Variants in MBNL1 observed in about 807,000 individuals in gnomAD.
The protein encoded by MBNL1 is muscleblind-like protein 1.
Under a neutral mutation model 42.2 loss-of-function variants are expected in MBNL1, and 8 were observed. That is an observed-to-expected ratio of 0.19 (90% CI 0.11 to 0.34). MBNL1 has a LOEUF of 0.34. MBNL1 is among the 10% of genes least tolerant of loss of function. MBNL1 has a pLI of 1.00. For missense variants in MBNL1, 309 were observed against 495.3 expected, an observed-to-expected ratio of 0.62 and a Z score of 3.57; for synonymous variants, 169 against 173.9, an observed-to-expected ratio of 0.97 and a Z score of 0.22.
intron 2 of MBNL1, among the ~76,000 whole-genome samples, chr3:152,388,345 A>C (rs565582282): frequency 3.5e-4 from 53 of 152,358 alleles, no homozygotes; most frequent in African/African-American, 1.2e-3. Flanking sequence ...TGGAACACAT[A>C]ACATTAAAAT....
At chr3:152,302,185 T>C (rs2060983293) in intron 2 of MBNL1, 1 of 152,218 alleles carries the variant, frequency 6.6e-6, no homozygotes, top group African/African-American at 2.4e-5. Flanking sequence ...TCAAGGACTT[T>C]AAATAATTTC....
At chr3:152,338,976 T>C (rs949563339) in intron 2 of MBNL1, among the ~76,000 whole-genome samples, 1 of 152,194 alleles carries the variant, frequency 6.6e-6, no homozygotes, top group Non-Finnish European at 1.5e-5. Context: ...GTAAGAGAAA[T>C]CTTGTTGAGA....
At chr3:152,390,214 G>A (rs2097648495) in intron 2 of MBNL1, among the ~76,000 whole-genome samples, 1 of 148,004 alleles carries the variant, frequency 6.8e-6, no homozygotes, top group African/African-American at 2.5e-5. Context: ...CAAACAGATT[G>A]TACATCTGTA....
At chr3:152,294,563 C>A (rs888012546) in intron 1 of MBNL1, among the ~76,000 whole-genome samples, 3 of 152,012 alleles carry the variant, frequency 2.0e-5, no homozygotes, top group African/African-American at 7.2e-5. Flanking sequence ...GGATTACAGG[C>A]GTGAGCCACC....
At chr3:152,410,341 A>T (rs2098538158) in intron 2 of MBNL1, among the ~76,000 whole-genome samples, 1 of 152,196 alleles carries the variant, frequency 6.6e-6, no homozygotes, top group African/African-American at 2.4e-5. Context: ...TACTCGATGA[A>T]TTTATTGAAT....
chr3:152,423,838 A>T (rs1014037818), intron 3 of MBNL1, among the ~76,000 whole-genome samples: 1 of 152,222 alleles, frequency 6.6e-6, no homozygotes, highest in African/African-American at 2.4e-5. Flanking sequence ...AAACCACATG[A>T]TTATCTCAAT....
In MBNL1 at chr3:152,435,649, G is replaced by A. The variant is rs529428128; in HGVS notation, c.549+2729G>A. 2.0e-5 allele frequency among the ~76,000 whole-genome samples: 3 copies of A among 152,154 alleles called. No individual in the cohort carries two copies. The East Asian group carries it at 5.8e-4, about 29-fold the overall frequency. ...CTTTGAGCAGTATGGCCATTTTAAT[G>A]TTACTGATTCTTCCTATCCATGAGC... On this transcript the variant is annotated intron_variant, in intron 4 of 9. Coordinates refer to ENST00000324210, the MANE Select transcript of MBNL1 (RefSeq NM_021038.5).
chr3:152,424,373 G>A, intron 3 of MBNL1, among the ~76,000 whole-genome samples: 1 of 152,122 alleles, frequency 6.6e-6, no homozygotes, highest in Non-Finnish European at 1.5e-5. Flanking sequence ...CGAGAGATAT[G>A]AAGGACCTCT....
At chr3:152,357,931 T>C (rs1377500319) in intron 2 of MBNL1, among the ~76,000 whole-genome samples, 1 of 152,044 alleles carries the variant, frequency 6.6e-6, no homozygotes, top group African/African-American at 2.4e-5. Flanking sequence ...GAAATAAATA[T>C]GGGGATTTCA....
chr3:152,255,487 T>G (rs376951392), intron 2 of MBNL1, among the ~76,000 whole-genome samples: 25 of 152,222 alleles, frequency 1.6e-4, no homozygotes, highest in African/African-American at 5.5e-4. Context: ...GAGAGGATTT[T>G]TAACTCTTGC....
chr3:152,433,185 C>T (rs1323065590), intron 4 of MBNL1, among the ~76,000 whole-genome samples: 1 of 152,176 alleles, frequency 6.6e-6, no homozygotes, highest in African/African-American at 2.4e-5. Flanking sequence ...CACTGTACCT[C>T]AATTTCCTCA....
At chr3:152,299,066 T>C (rs1361802623) in intron 1 of MBNL1, 1 of 152,600 alleles carries the variant, frequency 6.6e-6, no homozygotes, top group Non-Finnish European at 1.5e-5. Context: ...TTTCTGTGCT[T>C]ATAGCATAGT....
At chr3:152,366,873 TTAAC>T (rs1274235732) in intron 2 of MBNL1, among the ~76,000 whole-genome samples, 1 of 152,200 alleles carries the variant, frequency 6.6e-6, no homozygotes, top group East Asian at 1.9e-4. Flanking sequence ...TTTCCCTTAA[TTAAC>T]AGTGAAGGGA....
At chr3:152,331,793 C>T (rs542297483) in intron 2 of MBNL1, among the ~76,000 whole-genome samples, 9 of 152,108 alleles carry the variant, frequency 5.9e-5, no homozygotes, top group South Asian at 4.1e-4. Flanking sequence ...TGAGTTCAAG[C>T]GATTCTTCAG....
intron 3 of MBNL1, among the ~76,000 whole-genome samples, chr3:152,425,099 A>G (rs906284501): frequency 1.3e-5 from 2 of 152,200 alleles, no homozygotes; most frequent in Admixed American, 1.3e-4. Flanking sequence ...CAGCAAAAGA[A>G]ACTATCATCA....
chr3:152,292,954 A>G (rs369139111), intron 1 of MBNL1, among the ~76,000 whole-genome samples: 17 of 151,788 alleles, frequency 1.1e-4, no homozygotes, highest in African/African-American at 3.6e-4. Context: ...TTTTTTGTAG[A>G]TATAGGGTCC....
At chr3:152,287,335 A>G (rs972222468) in intron 1 of MBNL1, among the ~76,000 whole-genome samples, 8 of 152,200 alleles carry the variant, frequency 5.3e-5, no homozygotes, top group African/African-American at 1.9e-4. Flanking sequence ...TTATAAGCAT[A>G]CTACCTTGCT....
intron 2 of MBNL1, among the ~76,000 whole-genome samples, chr3:152,394,807 G>A (rs1420113164): frequency 6.6e-6 from 1 of 152,148 alleles, no homozygotes; most frequent in Non-Finnish European, 1.5e-5. Flanking sequence ...CAGTACTCTT[G>A]GAAGAGCATA....
In MBNL1 at chr3:152,300,401, A is replaced by G. The variant is rs755516336; in HGVS notation, c.174+34A>G. 1.4e-5 allele frequency: 21 copies of G among 1,536,730 alleles called. 1 individual carries two copies. In the South Asian group the frequency reaches 2.3e-4, roughly 17 times the overall value. On this transcript the variant is annotated intron_variant, in intron 2 of 9. Transcript: ENST00000324210. ...CTATTATATTCTTTTAAGGATATTC[A>G]ATGATTGAATGAGGGGTATATGGAC...
Sources: allele counts gnomAD v4.1 joint callset (sites outside exome capture counted in the v4.1 genomes callset), GRCh38; gene constraint gnomAD v4.1.1; transcripts MANE v1.5; gene names NCBI Gene and HGNC (gene_info 2026-07-23, HGNC 2026-07-21).